Variants in SULF1 observed in about 807,000 individuals in gnomAD.
SULF1 encodes the protein sulfatase 1.
SULF1 carries 46 observed loss-of-function variants against 110.5 expected under a neutral mutation model. The ratio of observed to expected loss-of-function variants is 0.42; its 90% confidence interval spans 0.33 to 0.53. The LOEUF is 0.53. Ranked by LOEUF, SULF1 falls within the 20% of genes least tolerant of loss-of-function variation. The pLI is 0.12. For missense variants in SULF1, 941 were observed against 1,094.2 expected (o/e 0.86, Z 1.98); for synonymous variants, 371 against 387.1 (o/e 0.96, Z 0.49).
At chr8:69,525,228 G>A (rs1041281554) in intron 3 of SULF1, among the ~76,000 whole-genome samples, 7 of 152,030 alleles carry the variant, frequency 4.6e-5, no homozygotes, top group Non-Finnish European at 1.0e-4. Context: ...ATCAGGAATG[G>A]CACTTTTGGC....
upstream of SULF1, among the ~76,000 whole-genome samples, chr8:69,491,417 T>C (rs1809936406): frequency 6.6e-6 from 1 of 152,170 alleles, no homozygotes; most frequent in Non-Finnish European, 1.5e-5. Flanking sequence ...GTCTGAAAAA[T>C]CTCACCTTTG....
intron 5 of SULF1, among the ~76,000 whole-genome samples, chr8:69,571,539 C>T (rs759336677): frequency 4.6e-5 from 7 of 152,342 alleles, no homozygotes; most frequent in Non-Finnish European, 8.8e-5. Context: ...TTCAGCTTTA[C>T]AATTCATATC....
chr8:69,644,211 G>C (rs1366048556), intron 22 of SULF1, among the ~76,000 whole-genome samples: 1 of 152,290 alleles, frequency 6.6e-6, no homozygotes, highest in South Asian at 2.1e-4. Flanking sequence ...CCGTGTGTTC[G>C]TGCTGTACGG....
chr8:69,524,559 A>C (rs536064771), intron 3 of SULF1, among the ~76,000 whole-genome samples: 1 of 152,292 alleles, frequency 6.6e-6, no homozygotes, highest in East Asian at 1.9e-4. Context: ...AATCCCCTCC[A>C]CCATGCCCCA....
At chr8:69,625,177 T>A (rs1319422040) in intron 15 of SULF1, among the ~76,000 whole-genome samples, 3 of 152,366 alleles carry the variant, frequency 2.0e-5, no homozygotes, top group Non-Finnish European at 2.9e-5. Flanking sequence ...CTGAATCTGC[T>A]TTTCTTCAAA....
chr8:69,650,109 C>T (rs1042122763), intron 22 of SULF1, among the ~76,000 whole-genome samples: 7 of 150,054 alleles, frequency 4.7e-5, no homozygotes, highest in African/African-American at 1.7e-4. Flanking sequence ...GATCCTGCCA[C>T]CTCAGCCTCC....
chr8:69,534,797 C>T (rs1161434818), intron 3 of SULF1, among the ~76,000 whole-genome samples: 1 of 151,602 alleles, frequency 6.6e-6, no homozygotes, highest in Non-Finnish European at 1.5e-5. Flanking sequence ...CAACTGACGT[C>T]ATACATATTT....
chr8:69,574,104 G>A lies in SULF1; in HGVS notation c.173-1866G>A, dbSNP rs1212390811. On this transcript the variant is annotated intron_variant, in intron 5 of 22. Coordinates refer to ENST00000402687, the MANE Select transcript of SULF1 (RefSeq NM_001128205.2). ...CACCATTGCAACTGCAACGCCTCTCGAGGGGATTGCAATCCACTGCAGCAG... is the reference window on the plus strand; with the variant it reads ...CACCATTGCAACTGCAACGCCTCTCAAGGGGATTGCAATCCACTGCAGCAG... Among the ~76,000 whole-genome samples the A allele has an allele frequency of 4.6e-5, 7 of 152,294 alleles. No individual in the cohort carries two copies. In the South Asian group the frequency reaches 6.2e-4, roughly 14 times the overall value.
chr8:69,473,863 T>C (rs1431589021), intron 1 of SULF1, among the ~76,000 whole-genome samples: 1 of 152,232 alleles, frequency 6.6e-6, no homozygotes, highest in African/African-American at 2.4e-5. Flanking sequence ...TTTTTTTATT[T>C]TGTCCTATGA....
intron 3 of SULF1, among the ~76,000 whole-genome samples, chr8:69,515,760 T>G (rs144642275): frequency 6.6e-6 from 1 of 152,354 alleles, no homozygotes. Flanking sequence ...GGCCATATCT[T>G]GAACACTTTG....
At chr8:69,563,884 C>A (rs1412531721) in intron 4 of SULF1, 32 bp from the exon 5 acceptor site, 3 of 1,335,958 alleles carry the variant, frequency 2.2e-6, no homozygotes, top group African/African-American at 2.9e-5. Flanking sequence ...TCATTTTAGT[C>A]TCACCGTCTC....
chr8:69,576,340 G>A (rs1805609624), intron 6 of SULF1, 131 bp downstream of exon 6: 3 of 1,040,218 alleles, frequency 2.9e-6, no homozygotes, highest in Admixed American at 4.7e-5. Context: ...TAAACTGCTT[G>A]ACATCTACCC....
intron 1 of SULF1, among the ~76,000 whole-genome samples, chr8:69,482,712 C>A (rs1809558922): frequency 6.6e-6 from 1 of 152,034 alleles, no homozygotes; most frequent in Admixed American, 6.6e-5. Context: ...TCCAGCTTTT[C>A]CGTAAGTTTG....
intron 7 of SULF1, among the ~76,000 whole-genome samples, chr8:69,586,740 A>C (rs960129201): frequency 2.0e-5 from 3 of 152,140 alleles, no homozygotes; most frequent in African/African-American, 7.2e-5. Flanking sequence ...CTTTGATGAA[A>C]GTATCATCAA....
intron 21 of SULF1, 113 bp from the exon 22 acceptor site, chr8:69,640,695 A>T: frequency 1.2e-6 from 1 of 851,228 alleles, no homozygotes; most frequent in Non-Finnish European, 1.8e-6. Flanking sequence ...GTCTGTATTT[A>T]ACACCATGTG....
intron 1 of SULF1, among the ~76,000 whole-genome samples, chr8:69,468,552 T>C (rs1808953520): frequency 6.6e-6 from 1 of 152,292 alleles, no homozygotes; most frequent in Middle Eastern, 3.4e-3. Context: ...TCCGACTGAG[T>C]ATTATCTGAT....
chr8:69,621,166 G>A lies in SULF1; in HGVS notation c.1509G>A (p.Glu503=), dbSNP rs1336669551. The change falls in exon 14 of 23, where the codon GAG becomes GAA. Residue 503 remains glutamate (E), a synonymous_variant. Coordinates refer to ENST00000402687, the MANE Select transcript of SULF1 (RefSeq NM_001128205.2). ...GCGGCTTCCATGACAAAGACAAAGA[G>A]TGCAGTTGTAGGGAGTCTGGTTACC... ...YARGFHDKDK[E]CSCRESGYRA... 7.4e-6 allele frequency: 12 copies of A among 1,614,164 alleles called. No homozygotes were observed. Among genetic ancestry groups the A allele is most frequent in the Non-Finnish European group, 1.0e-5 (12 of 1,180,032 alleles).
At chr8:69,512,058 A>C (rs1000412900) in intron 3 of SULF1, among the ~76,000 whole-genome samples, 3 of 152,212 alleles carry the variant, frequency 2.0e-5, no homozygotes, top group African/African-American at 4.8e-5. Context: ...GAGATGTTTC[A>C]CACAGCATAG....
At chr8:69,647,801 A>C (rs930115834) in intron 22 of SULF1, among the ~76,000 whole-genome samples, 52 of 152,050 alleles carry the variant, frequency 3.4e-4, no homozygotes, top group African/African-American at 1.3e-3. Context: ...CTGAGACAGG[A>C]GAATGGCTTG....
Sources: allele counts gnomAD v4.1 joint callset (sites outside exome capture counted in the v4.1 genomes callset), GRCh38; gene constraint gnomAD v4.1.1; transcripts MANE v1.5; gene names NCBI Gene and HGNC (gene_info 2026-07-23, HGNC 2026-07-21).